Variants in GPC6 observed in about 807,000 individuals in gnomAD.
GPC6 encodes the protein glypican 6, also known as glypican-6.
In GPC6, 14 loss-of-function variants were observed where a neutral mutation model predicts 55.2. That is an observed-to-expected ratio of 0.25 (90% CI 0.17 to 0.40). GPC6 has a LOEUF of 0.40. Ranked by LOEUF, GPC6 falls within the 10% of genes least tolerant of loss-of-function variation. The pLI is 1.00. For synonymous variants in GPC6, 278 were observed against 259.6 expected (o/e 1.07, Z -0.68); for missense variants, 641 against 708.5 (o/e 0.90, Z 1.08).
chr13:94,381,217 A>T (rs1314462503), intron 6 of GPC6, among the ~76,000 whole-genome samples: 1 of 152,142 alleles, frequency 6.6e-6, no homozygotes, highest in Non-Finnish European at 1.5e-5. Context: ...ATGTTGACTC[A>T]ACATTTTTTT....
intron 1 of GPC6, among the ~76,000 whole-genome samples, chr13:93,363,306 C>T (rs984702342): frequency 6.7e-6 from 1 of 150,244 alleles, no homozygotes; most frequent in Non-Finnish European, 1.5e-5. Context: ...CACAACAGTC[C>T]CCAGAGTGTG....
chr13:94,207,399 G>A (rs528800678), intron 4 of GPC6, among the ~76,000 whole-genome samples: 3 of 152,208 alleles, frequency 2.0e-5, no homozygotes, highest in East Asian at 1.9e-4. Flanking sequence ...AAATGTAATC[G>A]TTCCCATTTT....
At chr13:94,146,924 A>G (rs1887580804) in intron 4 of GPC6, among the ~76,000 whole-genome samples, 1 of 152,218 alleles carries the variant, frequency 6.6e-6, no homozygotes, top group Admixed American at 6.6e-5. Flanking sequence ...TCCACTGTTA[A>G]CAGAAAAGCA....
chr13:93,496,388 A>ACCCACTGGCCTGCG (rs1880283315), intron 1 of GPC6, among the ~76,000 whole-genome samples: 2 of 152,024 alleles, frequency 1.3e-5, no homozygotes. Flanking sequence ...CGGCTCGCGC[A>ACCCACTGGCCTGCG]CCCACTGGCC....
At chr13:93,632,305 G>T (rs1395864562) in intron 2 of GPC6, among the ~76,000 whole-genome samples, 2 of 152,046 alleles carry the variant, frequency 1.3e-5, no homozygotes, top group East Asian at 1.9e-4. Flanking sequence ...TAACGGTAAT[G>T]AAATAAGAGG....
chr13:93,734,351 C>T (rs919752371), intron 2 of GPC6, among the ~76,000 whole-genome samples: 2 of 152,096 alleles, frequency 1.3e-5, no homozygotes, highest in African/African-American at 4.8e-5. Context: ...GTTAGCACAT[C>T]CCTTAAACAA....
chr13:94,350,779 G>A (rs1331704866), intron 6 of GPC6, among the ~76,000 whole-genome samples: 1 of 152,124 alleles, frequency 6.6e-6, no homozygotes, highest in Non-Finnish European at 1.5e-5. Context: ...TGGAAAGGAA[G>A]GTCTGGGGCA....
intron 2 of GPC6, among the ~76,000 whole-genome samples, chr13:93,732,848 C>T (rs149003177): frequency 1.2e-4 from 18 of 152,058 alleles, no homozygotes; most frequent in South Asian, 4.1e-4. Flanking sequence ...TTAATATTTT[C>T]GATTAAACTA....
intron 1 of GPC6, among the ~76,000 whole-genome samples, chr13:93,377,182 C>T (rs78036069): frequency 0.022 from 3,296 of 152,240 alleles, 73 homozygotes; most frequent in South Asian, 0.051. Context: ...TCAGAGGGTA[C>T]TTCATGCTTA....
At chr13:93,962,271 G>A (rs186675148) in intron 3 of GPC6, among the ~76,000 whole-genome samples, 2 of 151,636 alleles carry the variant, frequency 1.3e-5, no homozygotes, top group South Asian at 2.1e-4. Context: ...ATAAGTAATG[G>A]CATCTTTTTA....
chr13:93,547,734 AAG>A (rs1159311866), intron 2 of GPC6, among the ~76,000 whole-genome samples: 2 of 152,132 alleles, frequency 1.3e-5, no homozygotes, highest in Admixed American at 1.3e-4. Flanking sequence ...GAAAAAAAAA[AAG>A]AGAATCTAAA....
chr13:94,149,710 C>T (rs956687511), intron 4 of GPC6, among the ~76,000 whole-genome samples: 1 of 152,064 alleles, frequency 6.6e-6, no homozygotes, highest in African/African-American at 2.4e-5. Flanking sequence ...CAGAGGCTAA[C>T]AAGGTCTTAG....
At chr13:93,806,458 C>G (rs979589160) in intron 2 of GPC6, among the ~76,000 whole-genome samples, 2 of 152,202 alleles carry the variant, frequency 1.3e-5, no homozygotes. Context: ...CCGCCTCAGT[C>G]TCCCAAGTAG....
At chr13:93,225,454 G>A (rs1331607877), upstream of GPC6, among the ~76,000 whole-genome samples, 1 of 151,962 alleles carries the variant, frequency 6.6e-6, no homozygotes, top group African/African-American at 2.4e-5. Flanking sequence ...AAAGTTAAGT[G>A]TGTTGCGTTT....
At chr13:94,271,062 T>C (rs1470004569) in intron 4 of GPC6, among the ~76,000 whole-genome samples, 4 of 129,428 alleles carry the variant, frequency 3.1e-5, no homozygotes, top group African/African-American at 1.2e-4. Flanking sequence ...CAATCTCGGC[T>C]CACTGCAAGC....
intron 4 of GPC6, among the ~76,000 whole-genome samples, chr13:94,115,086 T>C (rs1193827965): frequency 2.0e-5 from 3 of 152,114 alleles, no homozygotes; most frequent in African/African-American, 7.2e-5. Context: ...TTTTATCTGA[T>C]TTCAACTGAG....
intron 1 of GPC6, among the ~76,000 whole-genome samples, chr13:93,407,393 TA>T (rs201771240): frequency 4.0e-5 from 6 of 151,076 alleles, no homozygotes; most frequent in Admixed American, 6.6e-5. Flanking sequence ...CAAAGTTGGG[TA>T]AAAAAAAACA....
At chr13:93,626,074 TTA>T (rs947567359) in intron 2 of GPC6, among the ~76,000 whole-genome samples, 42 of 152,320 alleles carry the variant, frequency 2.8e-4, no homozygotes, top group African/African-American at 9.9e-4. Flanking sequence ...TTGAGTTTGC[TTA>T]TGCACAATTT....
chr13:93,426,351 G>A (rs966885800), intron 1 of GPC6, among the ~76,000 whole-genome samples: 3 of 151,486 alleles, frequency 2.0e-5, no homozygotes, highest in African/African-American at 7.3e-5. Flanking sequence ...TCGTCATCTA[G>A]CATTAGGTAT....
Sources: gnomAD v4.1 joint callset for allele counts (sites outside exome capture counted in the v4.1 genomes callset) on GRCh38, gnomAD v4.1.1 for gene constraint, MANE v1.5 for transcripts, NCBI Gene and HGNC (gene_info 2026-07-23, HGNC 2026-07-21) for gene names.